Variants in EIF2AK1 observed in about 807,000 individuals in gnomAD.
EIF2AK1 encodes the protein eukaryotic translation initiation factor 2-alpha kinase 1.
In EIF2AK1, 54 loss-of-function variants were observed where a neutral mutation model predicts 77.9. The ratio of observed to expected loss-of-function variants is 0.69; its 90% CI spans 0.56 to 0.87. EIF2AK1 has a LOEUF of 0.87. EIF2AK1 is among the 40% of genes least tolerant of loss of function. EIF2AK1 has a pLI of 0.00. For synonymous variants in EIF2AK1, 314 were observed against 290.5 expected (o/e 1.08, Z -0.82); for missense variants, 810 against 768.6 (o/e 1.05, Z -0.64).
At position 6,036,186 on chromosome 7, in the gene EIF2AK1, G is replaced by A. The variant is rs1014708363; in HGVS notation, c.1332+1238C>T. 4 of 1,549,656 alleles carry A rather than the reference G, an allele frequency of 2.6e-6. No individual in the cohort carries two copies. In the Admixed American group the frequency reaches 5.9e-5, roughly 23 times the overall value. On this transcript the variant is annotated intron_variant, in intron 11 of 14. Coordinates refer to ENST00000199389, the MANE Select transcript of EIF2AK1 (RefSeq NM_014413.4). This position sits in a 1 kb window ranked among gnomAD's most constrained non-coding sequence, Gnocchi z 4.6. ...CAATAACCAAGGAATTCTACCTGCA[G>A]GAATCATGCTACCAGAATTCCGCCT...
chr7:6,046,428 A>G, intron 5 of EIF2AK1: 4 of 218,230 alleles, frequency 1.8e-5, no homozygotes, highest in Non-Finnish European at 3.6e-5. Flanking sequence ...TTTTTTTGGT[A>G]ACACATTTTT....
Position 6,036,822 on chromosome 7 carries a change from G to A in EIF2AK1, c.1332+602C>T, listed in dbSNP as rs1788114038. Among the ~76,000 whole-genome samples, 1 of 152,024 alleles carries A rather than the reference G, an allele frequency of 6.6e-6. No homozygotes were observed. Among genetic ancestry groups the A allele is most frequent in the Non-Finnish European group, 1.5e-5 (1 of 68,012 alleles). ...TCTGCAATAATAAATGAGCATTTCT[G>A]TCAGCACTAAATACATTTAGCACCC... On this transcript the variant is annotated intron_variant, in intron 11 of 14. Transcript: ENST00000199389. This position sits in a 1 kb window ranked among gnomAD's most constrained non-coding sequence, Gnocchi z 4.6.
intron 12 of EIF2AK1, 35 bp from the exon 13 acceptor site, chr7:6,028,732 G>T: frequency 6.3e-7 from 1 of 1,592,216 alleles, no homozygotes; most frequent in Non-Finnish European, 8.6e-7. Flanking sequence ...AAACATTGCA[G>T]TTAGCGCTGT....
chr7:6,039,810 G>A (rs190204090), intron 9 of EIF2AK1, among the ~76,000 whole-genome samples: 3 of 149,860 alleles, frequency 2.0e-5, no homozygotes, highest in East Asian at 2.0e-4. Flanking sequence ...GGTGGTGGGC[G>A]CCTGTAATTC....
rs773933286 is a variant in EIF2AK1, at chr7:6,046,075, A to G, written c.626T>C (p.Met209Thr). The G allele has an allele frequency of 2.0e-5, 30 of 1,537,996 alleles. No individual in the cohort carries two copies. The highest frequency in any genetic ancestry group is 4.2e-5 in the Admixed American group (2 of 48,172). ...LIKGATKTVC[M>T]KVLREVKVLA... ...AGTAATTTTTAAAAATCATACCTTCATGCAAACTGTTTTAGTTGCACCCTT... is the reference window on the plus strand; with the variant it reads ...AGTAATTTTTAAAAATCATACCTTCGTGCAAACTGTTTTAGTTGCACCCTT... Residue 209 changes from methionine to threonine, a missense_variant, in exon 6 of 15, where the codon ATG becomes ACG. By Grantham distance (81) the Met-to-Thr change is moderately conservative. Coordinates refer to ENST00000199389, the MANE Select transcript of EIF2AK1 (RefSeq NM_014413.4).
Position 6,036,392 on chromosome 7 carries a change from G to A in EIF2AK1, c.1332+1032C>T, listed in dbSNP as rs550569750. On this transcript the variant is annotated intron_variant, in intron 11 of 14. Coordinates refer to ENST00000199389, the MANE Select transcript of EIF2AK1 (RefSeq NM_014413.4). The surrounding 1 kb of genome is among the most constrained non-coding windows in gnomAD (Gnocchi z 4.6). The stretch of plus-strand genomic sequence containing the variant: ...ACTTGGCATATACCTCTTGAAATAA[G>A]ACCTCCCAGTTTCACAGCAGAGGGA... 750 of 1,452,838 alleles carry A rather than the reference G, an allele frequency of 5.2e-4. No individual in the cohort carries two copies. Among genetic ancestry groups the A allele is most frequent in the Admixed American group, 8.2e-4 (30 of 36,550 alleles). 90.0% of individuals were successfully genotyped at this position (1,452,838 alleles called of 1,614,324 possible). A position where few individuals can be genotyped will look rare whatever the true frequency, so the allele number is the denominator to read the frequency against.
chr7:6,048,318 A>T (rs1788503147), intron 4 of EIF2AK1, among the ~76,000 whole-genome samples: 1 of 152,210 alleles, frequency 6.6e-6, no homozygotes, highest in Non-Finnish European at 1.5e-5. Context: ...TTTCATAGAA[A>T]TGAAATCACA....
chr7:6,042,682 C>T (rs1027606603), intron 8 of EIF2AK1, among the ~76,000 whole-genome samples: 1 of 151,978 alleles, frequency 6.6e-6, no homozygotes, highest in Middle Eastern at 3.4e-3. Flanking sequence ...CTGGCTAACA[C>T]GGTGAAACCC....
chr7:6,031,642 A>G, intron 11 of EIF2AK1: 2 of 1,529,956 alleles, frequency 1.3e-6, no homozygotes, highest in Non-Finnish European at 1.8e-6. Flanking sequence ...GGCTGCTTAG[A>G]AAGAAGCATG....
chr7:6,028,655 GCGTA>G lies in EIF2AK1; in HGVS notation c.1486_1489del (p.Tyr496LeufsTer25). Reference sequence around the variant, plus strand: ...AGATCCTTCCAACTGTTCGGGTGAAGCGTACAGACAAGTACCCACTCTGGACGTA... The same window carrying G: ...AGATCCTTCCAACTGTTCGGGTGAAGCAGACAAGTACCCACTCTGGACGTA... On this transcript the variant is annotated frameshift_variant, in exon 13 of 15. Transcript: ENST00000199389. LOFTEE classifies it high-confidence loss of function. 1 of 1,614,230 alleles carries G rather than the reference GCGTA, an allele frequency of 6.2e-7. No individual in the cohort carries two copies. The highest frequency in any genetic ancestry group is 1.3e-5 in the African/African-American group (1 of 75,062).
chr7:6,046,801 C>G, intron 5 of EIF2AK1, 191 bp downstream of exon 5: 1 of 481,134 alleles, frequency 2.1e-6, no homozygotes, highest in South Asian at 2.7e-5. Flanking sequence ...ACTCGGGAGG[C>G]TGAGGCAGAA....
rs755859717 is a variant in EIF2AK1 at position 6,038,608 on chromosome 7, T to C, written c.1183A>G (p.Ile395Val). The C allele has an allele frequency of 1.2e-6, 2 of 1,613,290 alleles. No homozygotes were observed. Among genetic ancestry groups the C allele is most frequent in the East Asian group, 2.2e-5 (1 of 44,808 alleles). ...QLCELSLWDW[I>V]VERNKRGREY... Reference sequence around the variant, plus strand: ...CGGCCCCGCTTGTTTCTCTCGACTATCCAATCCCACAGCGAGAGCTCACAC... The same window carrying C: ...CGGCCCCGCTTGTTTCTCTCGACTACCCAATCCCACAGCGAGAGCTCACAC... The change falls in exon 10 of 15, where the codon ATA (isoleucine) becomes GTA (valine). Residue 395 changes from isoleucine (I) to valine (V), a missense_variant. Ile to Val is a conservative substitution (Grantham distance 29). This residue lies in a region of EIF2AK1 where 549 missense variants were observed against 533.7 expected (regional missense o/e 1.03). Coordinates refer to ENST00000199389, the MANE Select transcript of EIF2AK1 (RefSeq NM_014413.4).
Position 6,023,459 on chromosome 7 carries a change from T to G in EIF2AK1, c.*1214A>C. 2 of 1,614,122 alleles carry G rather than the reference T, an allele frequency of 1.2e-6. No individual in the cohort carries two copies. Among genetic ancestry groups the G allele is most frequent in the Non-Finnish European group, 1.7e-6 (2 of 1,179,964 alleles). On this transcript the variant is annotated 3_prime_UTR_variant, in exon 15 of 15. Coordinates refer to ENST00000199389, the MANE Select transcript of EIF2AK1 (RefSeq NM_014413.4). ...TGGGTAGATATTGCGATTTTTCAGT[T>G]AAAAGAGGGAAGCAGTAAAGAAAAA...
rs947583310 is a variant in EIF2AK1 at position 6,028,647 on chromosome 7, C to A, written c.1498G>T (p.Glu500Ter). The A allele has an allele frequency of 6.8e-6, 11 of 1,614,038 alleles. No homozygotes were observed. Among genetic ancestry groups the A allele is most frequent in the African/African-American group, 1.3e-5 (1 of 74,940 alleles). The change falls in exon 13 of 15, where the codon GAA becomes TAA. Residue 500 changes from glutamate to a stop codon, truncating the protein, a stop_gained. Transcript: ENST00000199389. LOFTEE classifies it high-confidence loss of function. ...TCATACTCAGATCCTTCCAACTGTTCGGGTGAAGCGTACAGACAAGTACCC... is the reference window on the plus strand; with the variant it reads ...TCATACTCAGATCCTTCCAACTGTTAGGGTGAAGCGTACAGACAAGTACCC... ...RVGTCLYASP[E>*]QLEGSEYDAK... is the part of the protein sequence containing the mutation.
chr7:6,036,421 T>C lies in EIF2AK1; in HGVS notation c.1332+1003A>G, dbSNP rs867561301. 7.1e-7 allele frequency: 1 copy of C among 1,413,118 alleles called. No homozygotes were observed. 87.5% of individuals were successfully genotyped at this position (1,413,118 alleles called of 1,614,324 possible). ...TCCCAGTTTCACAGCAGAGGGACTT[T>C]CAGCCACTCAAACTGCATTTTCTGG... is the stretch of plus-strand genomic sequence containing the variant. On this transcript the variant is annotated intron_variant, in intron 11 of 14. Transcript: ENST00000199389. The surrounding 1 kb of genome is among the most constrained non-coding windows in gnomAD (Gnocchi z 4.6).
rs142928893 is a variant in EIF2AK1, at chr7:6,029,486, C to G, written c.1333-454G>C. On this transcript the variant is annotated intron_variant, in intron 11 of 14. Coordinates refer to ENST00000199389, the MANE Select transcript of EIF2AK1 (RefSeq NM_014413.4). ...CCAGCCTGGGCAACAAGAGCAAAAC[C>G]CTGTCTCAAAAAAAAAAAAACCTCA... 8.9e-3 allele frequency among the ~76,000 whole-genome samples: 1,346 copies of G among 151,622 alleles called. 18 individuals are homozygous for G. Among genetic ancestry groups the G allele is most frequent in the African/African-American group, 0.031 (1,272 of 41,344 alleles).
chr7:6,042,788 C>T, intron 8 of EIF2AK1, 145 bp downstream of exon 8: 1 of 606,892 alleles, frequency 1.6e-6, no homozygotes, highest in Non-Finnish European at 2.9e-6. Flanking sequence ...ATCACTGCAA[C>T]ACAGGAGGCG....
intron 2 of EIF2AK1, among the ~76,000 whole-genome samples, chr7:6,054,194 G>T (rs1006088065): frequency 7.1e-6 from 1 of 141,076 alleles, no homozygotes; most frequent in Admixed American, 7.4e-5. Context: ...CAGCAACACA[G>T]TATTTTTACA....
intron 11 of EIF2AK1, chr7:6,031,653 A>T: frequency 2.0e-6 from 3 of 1,498,524 alleles, no homozygotes; most frequent in Middle Eastern, 1.8e-4. Context: ...AAGAAGCATG[A>T]TCTAAAGCTG....
Sources: gnomAD v4.1 joint callset for allele counts (sites outside exome capture counted in the v4.1 genomes callset) on GRCh38, gnomAD v4.1.1 for gene constraint, gnomAD v4.1.1 regional missense constraint, Gnocchi (gnomAD v3.1) non-coding constraint, MANE v1.5 for transcripts, NCBI Gene and HGNC (gene_info 2026-07-23, HGNC 2026-07-21) for gene names.